The following ITGA9 variants were observed in gnomAD, a reference collection of about 807,000 sequenced individuals.
ITGA9 encodes the protein integrin subunit alpha 9, also known as integrin alpha-9.
In ITGA9, 56 loss-of-function variants were observed where a neutral mutation model predicts 127.8. The observed-to-expected ratio is 0.44, with a 90% CI of 0.35 to 0.55. The LOEUF is 0.55. Ranked by LOEUF, ITGA9 falls within the 20% of genes least tolerant of loss-of-function variation. The probability of loss-of-function intolerance (pLI) is 0.00; values close to 1 mark genes in which losing one functional copy is unlikely to be tolerated. For missense variants in ITGA9, 1,196 were observed against 1,347.1 expected, an observed-to-expected ratio of 0.89 and a Z score of 1.76; for synonymous variants, 508 against 514.5, an observed-to-expected ratio of 0.99 and a Z score of 0.17.
chr3:37,532,967 ATTC>A, intron 13 of ITGA9, among the ~76,000 whole-genome samples: 2 of 152,314 alleles, frequency 1.3e-5, no homozygotes, highest in Admixed American at 6.5e-5. Flanking sequence ...TCTTAAATGT[ATTC>A]TTATCTCCCT....
intron 15 of ITGA9, among the ~76,000 whole-genome samples, chr3:37,571,563 C>G (rs1699602473): frequency 1.3e-5 from 2 of 152,190 alleles, no homozygotes; most frequent in Non-Finnish European, 2.9e-5. Context: ...ACCTGGAGGA[C>G]TTGCTAAAGC....
rs570703856 is a variant in ITGA9, at chr3:37,819,541, C to A, written c.*552C>A. On this transcript the variant is annotated 3_prime_UTR_variant, in exon 28 of 28. Coordinates refer to ENST00000264741, the MANE Select transcript of ITGA9 (RefSeq NM_002207.3). The stretch of plus-strand genomic sequence containing the variant: ...TCATGTAATGAATCCACCAGGCTGG[C>A]AGTGGTGCATATAAACTGTGGGTGT... 6.4e-6 allele frequency: 1 copy of A among 157,408 alleles called. No individual in the cohort carries two copies. Among genetic ancestry groups the A allele is most frequent in the African/African-American group, 2.4e-5 (1 of 41,578 alleles). 9.8% of individuals were successfully genotyped at this position (157,408 alleles called of 1,614,324 possible).
At chr3:37,606,588 A>G (rs1322600015) in intron 15 of ITGA9, among the ~76,000 whole-genome samples, 1 of 152,188 alleles carries the variant, frequency 6.6e-6, no homozygotes, top group Non-Finnish European at 1.5e-5. Context: ...CATGAAGATC[A>G]TCACCAGGAT....
intron 25 of ITGA9, among the ~76,000 whole-genome samples, chr3:37,784,237 C>G (rs1407492511): frequency 2.6e-5 from 4 of 152,166 alleles, no homozygotes; most frequent in Non-Finnish European, 5.9e-5. Context: ...CACAGTTTTT[C>G]CAGTCCCTGT....
rs564021029 is a variant in ITGA9 at position 37,550,270 on chromosome 3, C to T, written c.1689+7685C>T. Among the ~76,000 whole-genome samples, 14 of 152,308 alleles carry T rather than the reference C, an allele frequency of 9.2e-5. No homozygotes were observed. The South Asian group carries it at 2.5e-3, about 27-fold the overall frequency. ...TTATTATATGCCAGATACTCTTCTACAGGCTTTACATGAAGAAAGAGAGGT... is the reference window on the plus strand; with the variant it reads ...TTATTATATGCCAGATACTCTTCTATAGGCTTTACATGAAGAAAGAGAGGT... On this transcript the variant is annotated intron_variant, in intron 15 of 27. Coordinates refer to ENST00000264741, the MANE Select transcript of ITGA9 (RefSeq NM_002207.3).
At chr3:37,527,922 A>C (rs1699110153) in intron 13 of ITGA9, among the ~76,000 whole-genome samples, 1 of 152,048 alleles carries the variant, frequency 6.6e-6, no homozygotes, top group Non-Finnish European at 1.5e-5. Flanking sequence ...AGCAGCTGGG[A>C]TCACAGGTGC....
At chr3:37,596,612 T>C (rs933448082) in intron 15 of ITGA9, among the ~76,000 whole-genome samples, 1 of 152,134 alleles carries the variant, frequency 6.6e-6, no homozygotes, top group African/African-American at 2.4e-5. Flanking sequence ...GGAGGACATA[T>C]GAGTGCATCT....
At chr3:37,506,829 G>GCTCT (rs1236036973) in intron 7 of ITGA9, among the ~76,000 whole-genome samples, 2 of 152,192 alleles carry the variant, frequency 1.3e-5, no homozygotes, top group Non-Finnish European at 2.9e-5. Flanking sequence ...AGTGAACAGA[G>GCTCT]GAATGAACTT....
chr3:37,667,894 A>G (rs1700600719), intron 17 of ITGA9, among the ~76,000 whole-genome samples: 1 of 152,288 alleles, frequency 6.6e-6, no homozygotes, highest in South Asian at 2.1e-4. Context: ...TTAAATAACC[A>G]TTGCAGCTTG....
intron 17 of ITGA9, among the ~76,000 whole-genome samples, chr3:37,676,046 A>G (rs1216143045): frequency 6.6e-6 from 1 of 152,058 alleles, no homozygotes; most frequent in Admixed American, 6.6e-5. Context: ...CCGGCCCAAA[A>G]CTATTTACTT....
chr3:37,669,351 C>G (rs1324221218), intron 17 of ITGA9, among the ~76,000 whole-genome samples: 2 of 152,196 alleles, frequency 1.3e-5, no homozygotes, highest in Admixed American at 6.5e-5. Context: ...TTATGCTGCA[C>G]AGCTCCCCTT....
chr3:37,634,174 A>T (rs1700255296), intron 16 of ITGA9, among the ~76,000 whole-genome samples: 1 of 152,170 alleles, frequency 6.6e-6, no homozygotes, highest in African/African-American at 2.4e-5. Flanking sequence ...ATAGCAAGAA[A>T]GGAAGAAAGG....
chr3:37,762,168 A>T (rs1696730294), intron 23 of ITGA9, among the ~76,000 whole-genome samples: 1 of 152,094 alleles, frequency 6.6e-6, no homozygotes, highest in South Asian at 2.1e-4. Flanking sequence ...GCCAAACCCC[A>T]ATTTGGGGGT....
intron 8 of ITGA9, 88 bp downstream of exon 8, chr3:37,508,715 C>T (rs1244316291): frequency 2.0e-6 from 2 of 1,020,190 alleles, no homozygotes; most frequent in Admixed American, 1.8e-5. Flanking sequence ...GGTTTGAAGG[C>T]CCTACCTGTG....
chr3:37,467,937 T>C (rs73826551), intron 1 of ITGA9, among the ~76,000 whole-genome samples: 3,983 of 152,294 alleles, frequency 0.026, 163 homozygotes, highest in African/African-American at 0.09. Context: ...GCTCAGCCGC[T>C]ACAGCAAGGG....
At chr3:37,663,471 G>T (rs1700556836) in intron 17 of ITGA9, among the ~76,000 whole-genome samples, 1 of 152,194 alleles carries the variant, frequency 6.6e-6, no homozygotes, top group Non-Finnish European at 1.5e-5. Flanking sequence ...TGATAGTGCT[G>T]TTACCATGGG....
intron 15 of ITGA9, among the ~76,000 whole-genome samples, chr3:37,582,695 A>G (rs1559541913): frequency 6.6e-6 from 1 of 152,202 alleles, no homozygotes; most frequent in Non-Finnish European, 1.5e-5. Flanking sequence ...ATTAAGTTGA[A>G]GGAATAAACC....
intron 17 of ITGA9, among the ~76,000 whole-genome samples, chr3:37,677,944 T>C (rs965947856): frequency 2.6e-5 from 4 of 152,244 alleles, no homozygotes; most frequent in Non-Finnish European, 4.4e-5. Flanking sequence ...GAGGGCATGC[T>C]GCCCCTAGTT....
intron 15 of ITGA9, among the ~76,000 whole-genome samples, chr3:37,616,887 C>T (rs1473950650): frequency 6.6e-6 from 1 of 152,228 alleles, no homozygotes; most frequent in Non-Finnish European, 1.5e-5. Flanking sequence ...CTGCTGAATA[C>T]AGCACACTGA....
Sources: gnomAD v4.1 joint callset for allele counts (sites outside exome capture counted in the v4.1 genomes callset) on GRCh38, gnomAD v4.1.1 for gene constraint, MANE v1.5 for transcripts, NCBI Gene and HGNC (gene_info 2026-07-23, HGNC 2026-07-21) for gene names.